Variants in BORCS5 observed in about 807,000 individuals in gnomAD.
BORCS5 encodes the protein BLOC-1-related complex subunit 5.
In BORCS5, 17 loss-of-function variants were observed where a neutral mutation model predicts 22.1. The observed-to-expected ratio is 0.77, with a 90% CI of 0.53 to 1.15. The LOEUF is 1.15. Ranked by LOEUF, BORCS5 falls within the 50% of genes most tolerant of loss-of-function variation. The probability of loss-of-function intolerance (pLI) is 0.00; values close to 1 mark genes in which losing one functional copy is unlikely to be tolerated. For synonymous variants in BORCS5, 117 were observed against 99.8 expected (o/e 1.17, Z -1.03); for missense variants, 247 against 253.2 (o/e 0.98, Z 0.17).
chr12:12,381,027 T>G (rs1455045813), intron 2 of BORCS5, among the ~76,000 whole-genome samples: 1 of 148,982 alleles, frequency 6.7e-6, no homozygotes, highest in Non-Finnish European at 1.5e-5. Context: ...TTTTTTTTTT[T>G]TTGAGACCGA....
chr12:12,365,791 T>G (rs1565828517), intron 2 of BORCS5, among the ~76,000 whole-genome samples: 1 of 152,346 alleles, frequency 6.6e-6, no homozygotes, highest in East Asian at 1.9e-4. Context: ...GATTAAAATA[T>G]TGAGGCCTAG....
intron 2 of BORCS5, among the ~76,000 whole-genome samples, chr12:12,389,502 T>TA (rs1941113757): frequency 2.0e-5 from 3 of 151,980 alleles, no homozygotes; most frequent in Admixed American, 1.3e-4. Flanking sequence ...TGCCAGTATC[T>TA]TTTAAGCCCA....
intron 2 of BORCS5, among the ~76,000 whole-genome samples, chr12:12,404,235 GA>G (rs1941544279): frequency 6.6e-6 from 1 of 152,182 alleles, no homozygotes; most frequent in Non-Finnish European, 1.5e-5. Flanking sequence ...GAGCCTCTTG[GA>G]AATTAGAGAT....
At chr12:12,359,893 T>G (rs891489674) in intron 1 of BORCS5, among the ~76,000 whole-genome samples, 30 of 152,160 alleles carry the variant, frequency 2.0e-4, no homozygotes, top group African/African-American at 6.8e-4. Context: ...CTGCTGACTT[T>G]GGGCAAGTCA....
intron 2 of BORCS5, among the ~76,000 whole-genome samples, chr12:12,417,085 C>T (rs767705314): frequency 1.5e-4 from 23 of 152,074 alleles, no homozygotes; most frequent in Non-Finnish European, 2.9e-4. Flanking sequence ...GTCATCCTGC[C>T]CAGCCTAATG....
chr12:12,422,841 A>C (rs1480402757), intron 2 of BORCS5, among the ~76,000 whole-genome samples: 1 of 152,166 alleles, frequency 6.6e-6, no homozygotes, highest in Non-Finnish European at 1.5e-5. Context: ...TATAAACTAA[A>C]GTTACAATAA....
intron 2 of BORCS5, among the ~76,000 whole-genome samples, chr12:12,419,913 T>G (rs1942070008): frequency 6.6e-6 from 1 of 152,216 alleles, no homozygotes; most frequent in Non-Finnish European, 1.5e-5. Context: ...TCTTGTAAAT[T>G]TGTTTGAATT....
intron 2 of BORCS5, among the ~76,000 whole-genome samples, chr12:12,374,952 CAA>C (rs112909758): frequency 0.018 from 1,961 of 106,356 alleles, 43 homozygotes; most frequent in African/African-American, 0.052. Context: ...GAGACTGTCT[CAA>C]AAAAAAAAAA....
intron 2 of BORCS5, among the ~76,000 whole-genome samples, chr12:12,364,787 C>CA (rs1379672200): frequency 1.3e-5 from 2 of 152,098 alleles, no homozygotes; most frequent in African/African-American, 4.8e-5. Context: ...GCCAACATGG[C>CA]AAAACCCTGT....
intron 3 of BORCS5, among the ~76,000 whole-genome samples, chr12:12,460,617 G>GT (rs1319197641): frequency 2.6e-5 from 4 of 152,188 alleles, no homozygotes; most frequent in African/African-American, 9.6e-5. Flanking sequence ...TCAGCTGGAA[G>GT]TTTTTCATAG....
chr12:12,393,575 A>G (rs200293081), intron 2 of BORCS5, among the ~76,000 whole-genome samples: 2 of 151,232 alleles, frequency 1.3e-5, no homozygotes, highest in Non-Finnish European at 2.9e-5. Flanking sequence ...GCTGGAATGC[A>G]GTGGCATGAT....
Position 12,465,827 on chromosome 12 carries a change from G to A in BORCS5, c.*51G>A, listed in dbSNP as rs1363205173. On this transcript the variant is annotated 3_prime_UTR_variant, in exon 4 of 4. Coordinates refer to ENST00000314565, the MANE Select transcript of BORCS5 (RefSeq NM_058169.6). ...GGAGCCCCAGACACCGACACCCTGA[G>A]GACGTGTGGAGCTAAGGTCATATCA... 7 of 1,492,268 alleles carry A rather than the reference G, an allele frequency of 4.7e-6. No individual in the cohort carries two copies. Among genetic ancestry groups the A allele is most frequent in the African/African-American group, 4.1e-5 (3 of 72,436 alleles). The allele number at this position is 1,492,268 out of a possible 1,614,324, so 92.4% of individuals were successfully genotyped here. A position where few individuals can be genotyped will look rare whatever the true frequency, so the allele number is the denominator to read the frequency against.
chr12:12,416,226 A>G (rs1393249950), intron 2 of BORCS5, among the ~76,000 whole-genome samples: 1 of 151,654 alleles, frequency 6.6e-6, no homozygotes, highest in Non-Finnish European at 1.5e-5. Context: ...TAGTTCCTCT[A>G]CTCTAGCAAA....
At chr12:12,386,846 T>C (rs963939349) in intron 2 of BORCS5, among the ~76,000 whole-genome samples, 7 of 151,120 alleles carry the variant, frequency 4.6e-5, no homozygotes, top group African/African-American at 1.7e-4. Context: ...AGTCTTTTTA[T>C]GTTCCAATAT....
chr12:12,464,920 C>T (rs1197313955), intron 3 of BORCS5, among the ~76,000 whole-genome samples: 2 of 152,056 alleles, frequency 1.3e-5, no homozygotes, highest in Non-Finnish European at 2.9e-5. Flanking sequence ...AAACTGCAGC[C>T]GTCCAGGGAA....
At position 12,357,419 on chromosome 12, in the gene BORCS5, C is replaced by A. The variant is rs113873916; in HGVS notation, c.-33C>A. On this transcript the variant is annotated 5_prime_UTR_variant, in exon 1 of 4. Transcript: ENST00000314565. ...CCGCCGGAGCGGTGACCGCCCGGCC[C>A]GCCGTTCTTCTGCTGCCACCGCTGT... The A allele has an allele frequency of 1.9e-6, 3 of 1,599,126 alleles. No individual in the cohort carries two copies. Among genetic ancestry groups the A allele is most frequent in the African/African-American group, 2.7e-5 (2 of 74,614 alleles).
chr12:12,387,060 G>A (rs1863899050), intron 2 of BORCS5, among the ~76,000 whole-genome samples: 1 of 151,134 alleles, frequency 6.6e-6, no homozygotes, highest in Admixed American at 6.6e-5. Flanking sequence ...TAGAAATGTG[G>A]TCTTATTGTG....
At chr12:12,463,350 A>G (rs930624510) in intron 3 of BORCS5, among the ~76,000 whole-genome samples, 1 of 152,166 alleles carries the variant, frequency 6.6e-6, no homozygotes, top group Non-Finnish European at 1.5e-5. Flanking sequence ...TCTTTGCAAC[A>G]AAGAATGGGG....
At position 12,467,197 on chromosome 12, in the gene BORCS5, G is replaced by T. The variant is rs1454523721; in HGVS notation, c.*1421G>T. The T allele has an allele frequency of 1.3e-5, 2 of 152,150 alleles. No individual in the cohort carries two copies. The highest frequency in any genetic ancestry group is 4.8e-5 in the African/African-American group (2 of 41,422). The allele number at this position is 152,150 out of a possible 1,614,324, so 9.4% of individuals were successfully genotyped here. ...GATTGACAAAAAGTGGTATATTTAA[G>T]ACATCACCATCATTGTCTTTCTTCT... On this transcript the variant is annotated 3_prime_UTR_variant, in exon 4 of 4. Coordinates refer to ENST00000314565, the MANE Select transcript of BORCS5 (RefSeq NM_058169.6).
Sources: allele counts gnomAD v4.1 joint callset (sites outside exome capture counted in the v4.1 genomes callset), GRCh38; gene constraint gnomAD v4.1.1; transcripts MANE v1.5; gene names NCBI Gene and HGNC (gene_info 2026-07-23, HGNC 2026-07-21).